Variants in FREM1 observed in about 807,000 individuals in gnomAD.
FREM1 encodes the protein FRAS1 related extracellular matrix 1.
In FREM1, 220 loss-of-function variants were observed where a neutral mutation model predicts 210.1. The observed-to-expected ratio is 1.05, with a 90% CI of 0.94 to 1.17. The LOEUF is 1.17. Ranked by LOEUF, FREM1 falls within the 50% of genes most tolerant of loss-of-function variation. FREM1 has a pLI of 0.00. For missense variants in FREM1, 3,454 were observed against 2,675.5 expected (o/e 1.29, Z -6.42); for synonymous variants, 1,189 against 980.2 (o/e 1.21, Z -3.98).
chr9:14,744,323 T>C (rs568802664), intron 35 of FREM1, among the ~76,000 whole-genome samples: 2 of 152,252 alleles, frequency 1.3e-5, no homozygotes, highest in South Asian at 2.1e-4. Flanking sequence ...CAATTGTATA[T>C]ACATCTATTT....
chr9:14,760,436 T>C (rs1845282577), intron 27 of FREM1, among the ~76,000 whole-genome samples: 1 of 152,176 alleles, frequency 6.6e-6, no homozygotes, highest in Admixed American at 6.5e-5. Context: ...TTCATAAGTG[T>C]TATTTGTTTC....
chr9:14,855,140 C>T (rs1024543390), intron 5 of FREM1, among the ~76,000 whole-genome samples: 6 of 151,738 alleles, frequency 4.0e-5, no homozygotes, highest in African/African-American at 1.4e-4. Context: ...TAAGGAAGAA[C>T]CTGTCTGTAA....
At chr9:14,899,162 C>A (rs967612356) in intron 1 of FREM1, among the ~76,000 whole-genome samples, 3 of 152,168 alleles carry the variant, frequency 2.0e-5, no homozygotes, top group African/African-American at 7.2e-5. Context: ...CTTTTGAGGA[C>A]TGTCTCTTCT....
chr9:14,878,289 C>A (rs1424664118), intron 1 of FREM1, among the ~76,000 whole-genome samples: 5 of 152,196 alleles, frequency 3.3e-5, no homozygotes, highest in East Asian at 1.9e-4. Context: ...ACTCTAATAT[C>A]TTTGCTTTTC....
chr9:14,824,212 G>A (rs970788924), intron 11 of FREM1, 97 bp from the exon 12 acceptor site: 28 of 724,224 alleles, frequency 3.9e-5, no homozygotes, highest in Admixed American at 1.4e-4. Context: ...TTCATTGTGA[G>A]AAGAAATTGG....
rs781488861 is a variant in FREM1, at chr9:14,776,151, G to C, written c.4495C>G (p.Leu1499Val). 13 of 1,560,534 alleles carry C rather than the reference G, an allele frequency of 8.3e-6. No homozygotes were observed. The highest frequency in any genetic ancestry group is 1.1e-5 in the Non-Finnish European group (13 of 1,152,992). ...GGCAGGGCTCTGTCCACAGTCTCCA[G>C]TGTGATCTCAAACACCCCGTGCTCG... ...RTEHGVFEIT[L>V]ETVDRALPVV... Residue 1499 changes from leucine (L) to valine (V), a missense_variant, in exon 25 of 37, where the codon CTG becomes GTG. Coordinates refer to ENST00000380880, the MANE Select transcript of FREM1 (RefSeq NM_001379081.2).
chr9:14,891,219 T>C (rs1469215929), intron 1 of FREM1, among the ~76,000 whole-genome samples: 1 of 152,250 alleles, frequency 6.6e-6, no homozygotes, highest in Non-Finnish European at 1.5e-5. Context: ...GAATTCATCT[T>C]TGAGACCAAT....
In FREM1 at chr9:14,897,590, A is replaced by AT. The variant is rs34932903; in HGVS notation, c.-268+12323dup. ...GAGGCTTAATCGAACTGTAATGATAATTTTTTTTTTTTTTTTAAGAGACGG... is the reference window on the plus strand; with the variant it reads ...GAGGCTTAATCGAACTGTAATGATAATTTTTTTTTTTTTTTTTAAGAGACGG... On this transcript the variant is annotated intron_variant, in intron 1 of 36. Coordinates refer to ENST00000380880, the MANE Select transcript of FREM1 (RefSeq NM_001379081.2). Among the ~76,000 whole-genome samples the AT allele has an allele frequency of 1.1e-3, 155 of 146,376 alleles. 2 individuals are homozygous for AT. In the East Asian group the frequency reaches 0.012, roughly 11 times the overall value.
At chr9:14,760,923 T>G (rs1025916951) in intron 27 of FREM1, among the ~76,000 whole-genome samples, 24 of 152,216 alleles carry the variant, frequency 1.6e-4, no homozygotes, top group African/African-American at 5.8e-4. Flanking sequence ...TCACTACGAT[T>G]GTTAACTGCA....
At chr9:14,749,877 C>T (rs1244634938) in intron 30 of FREM1, among the ~76,000 whole-genome samples, 1 of 152,108 alleles carries the variant, frequency 6.6e-6, no homozygotes, top group Non-Finnish European at 1.5e-5. Context: ...TCGGTGAGAA[C>T]AACAAACGGG....
intron 28 of FREM1, 81 bp downstream of exon 28, chr9:14,759,690 AT>A (rs1845117672): frequency 1.5e-6 from 2 of 1,340,772 alleles, no homozygotes; most frequent in Non-Finnish European, 2.0e-6. Context: ...GTCACTCTGA[AT>A]TTTTCTAAAA....
intron 23 of FREM1, among the ~76,000 whole-genome samples, chr9:14,785,445 C>G (rs578231681): frequency 5.2e-4 from 79 of 152,218 alleles, no homozygotes; most frequent in African/African-American, 1.8e-3. Context: ...GGTAGTTGCA[C>G]AAATGTTCAT....
intron 8 of FREM1, among the ~76,000 whole-genome samples, chr9:14,844,843 T>C (rs556643812): frequency 6.6e-6 from 1 of 152,348 alleles, no homozygotes; most frequent in Admixed American, 6.5e-5. Context: ...ACTTCTTTCA[T>C]TGTTCCTTCT....
chr9:14,800,103 A>G (rs1853248805), intron 20 of FREM1, among the ~76,000 whole-genome samples: 2 of 152,106 alleles, frequency 1.3e-5, no homozygotes, highest in Admixed American at 1.3e-4. Context: ...TGCAACAATT[A>G]CAAAAAAACC....
At chr9:14,908,094 G>A (rs1407705273) in intron 1 of FREM1, among the ~76,000 whole-genome samples, 2 of 152,188 alleles carry the variant, frequency 1.3e-5, no homozygotes, top group Non-Finnish European at 2.9e-5. Flanking sequence ...AAGGGGCTCT[G>A]ATGGCCATGT....
chr9:14,877,518 G>T (rs1833992289), intron 1 of FREM1, among the ~76,000 whole-genome samples: 1 of 151,702 alleles, frequency 6.6e-6, no homozygotes, highest in Non-Finnish European at 1.5e-5. Flanking sequence ...CCTTCCCCTT[G>T]AGTGCCAGCA....
At chr9:14,907,031 C>A (rs1270297371) in intron 1 of FREM1, among the ~76,000 whole-genome samples, 2 of 152,196 alleles carry the variant, frequency 1.3e-5, no homozygotes, top group African/African-American at 2.4e-5. Flanking sequence ...AATATCATCA[C>A]CTCCATAAAT....
chr9:14,815,504 C>T (rs1216402097), intron 15 of FREM1, among the ~76,000 whole-genome samples: 2 of 152,150 alleles, frequency 1.3e-5, no homozygotes, highest in South Asian at 4.1e-4. Context: ...ATTAGTGGCT[C>T]TTCAGGGAAC....
intron 36 of FREM1, among the ~76,000 whole-genome samples, chr9:14,739,310 C>T (rs2131847506): frequency 6.6e-6 from 1 of 151,382 alleles, no homozygotes; most frequent in South Asian, 2.1e-4. Flanking sequence ...CACTATGTTG[C>T]CTAGGCTCAT....
Sources: allele counts gnomAD v4.1 joint callset (sites outside exome capture counted in the v4.1 genomes callset), GRCh38; gene constraint gnomAD v4.1.1; transcripts MANE v1.5; gene names NCBI Gene and HGNC (gene_info 2026-07-23, HGNC 2026-07-21).